The following NUCB2 variants were observed in gnomAD, a reference collection of about 807,000 sequenced individuals.
NUCB2 encodes the protein nucleobindin-2.
A neutral mutation model predicts 57.9 loss-of-function variants in NUCB2; 48 were observed. The ratio of observed to expected loss-of-function variants is 0.83; its 90% CI spans 0.66 to 1.05. The LOEUF (loss-of-function observed/expected upper bound fraction) is 1.05. Among genes scored for constraint, NUCB2 ranks in the 50% least tolerant of loss-of-function variants. The pLI, the probability that NUCB2 is intolerant of heterozygous loss-of-function variation, is 0.00. For synonymous variants in NUCB2, 139 were observed against 152.1 expected, an observed-to-expected ratio of 0.91 and a Z score of 0.64; for missense variants, 442 against 476.2, an observed-to-expected ratio of 0.93 and a Z score of 0.67.
Position 17,302,990 on chromosome 11 carries a change from G to A in NUCB2, c.379+1120G>A, listed in dbSNP as rs367864188. ...CCTGACCTCGTGATCCACCCGCCTC[G>A]GCCTCCCAAAGTGCTGGGATTACAG... On this transcript the variant is annotated intron_variant, in intron 5 of 13. Transcript: ENST00000529010. Among the ~76,000 whole-genome samples the A allele has an allele frequency of 1.3e-3, 196 of 152,022 alleles. No homozygotes were observed. The Middle Eastern group carries it at 0.024, about 18-fold the overall frequency.
intron 5 of NUCB2, among the ~76,000 whole-genome samples, chr11:17,309,158 TA>T (rs1000402767): frequency 6.7e-6 from 1 of 150,224 alleles, no homozygotes; most frequent in Non-Finnish European, 1.5e-5. Flanking sequence ...TACCAAAAAT[TA>T]AAAAAAAAGA....
chr11:17,308,598 C>G (rs1352255854), intron 5 of NUCB2, among the ~76,000 whole-genome samples: 2 of 152,138 alleles, frequency 1.3e-5, no homozygotes, highest in African/African-American at 2.4e-5. Flanking sequence ...TAGAAGGGCT[C>G]GTATTGCGTT....
intron 11 of NUCB2, among the ~76,000 whole-genome samples, chr11:17,327,485 G>C (rs1411423778): frequency 6.6e-6 from 1 of 152,034 alleles, no homozygotes; most frequent in Non-Finnish European, 1.5e-5. Context: ...AAATATTTTT[G>C]ATATTATTCC....
chr11:17,342,961 G>A (rs1336031142), intron 2 of NUCB2, among the ~76,000 whole-genome samples: 4 of 152,032 alleles, frequency 2.6e-5, no homozygotes, highest in Non-Finnish European at 5.9e-5. Flanking sequence ...TCTCTTTGTA[G>A]GTCTCTAAGG....
intron 11 of NUCB2, among the ~76,000 whole-genome samples, chr11:17,324,835 T>G (rs1487109360): frequency 1.3e-5 from 2 of 151,818 alleles, no homozygotes; most frequent in Non-Finnish European, 2.9e-5. Flanking sequence ...AGAGCCTCAC[T>G]CTGTTGCCCT....
At chr11:17,292,685 A>G (rs1051908435) in intron 2 of NUCB2, among the ~76,000 whole-genome samples, 1 of 152,196 alleles carries the variant, frequency 6.6e-6, no homozygotes, top group African/African-American at 2.4e-5. Context: ...TAGCTGTATG[A>G]CTGACTGCTG....
intron 2 of NUCB2, among the ~76,000 whole-genome samples, chr11:17,344,158 C>T (rs1952526025): frequency 6.6e-6 from 1 of 152,122 alleles, no homozygotes; most frequent in South Asian, 2.1e-4. Flanking sequence ...AAATACGTAG[C>T]AGTCAGATGC....
chr11:17,308,257 A>G (rs994198954), intron 5 of NUCB2, among the ~76,000 whole-genome samples: 1 of 152,142 alleles, frequency 6.6e-6, no homozygotes, highest in African/African-American at 2.4e-5. Context: ...AGGGGCAACT[A>G]TATTTTAGAT....
At chr11:17,303,056 C>T (rs964437478) in intron 5 of NUCB2, among the ~76,000 whole-genome samples, 4 of 151,872 alleles carry the variant, frequency 2.6e-5, no homozygotes, top group South Asian at 2.1e-4. Flanking sequence ...TTTTTAATTA[C>T]GTTTTTTAGA....
In NUCB2 at chr11:17,341,710, C is replaced by T. The variant is rs1030569546; in HGVS notation, n.2626+4176C>T. Among the ~76,000 whole-genome samples the T allele has an allele frequency of 2.6e-5, 4 of 152,022 alleles. 1 individual carries two copies. Among genetic ancestry groups the T allele is most frequent in the Non-Finnish European group, 2.9e-5 (2 of 67,992 alleles). On this transcript the variant is annotated intron_variant and non_coding_transcript_variant, in intron 2 of 2. Coordinates refer to the NUCB2 transcript ENST00000532240. ...AAGCTTTTTGATGTGCTGCTGGATT[C>T]AGTTTGCCAGTATTTTATTGAGGAT...
intron 4 of NUCB2, among the ~76,000 whole-genome samples, chr11:17,299,825 G>A (rs1056364393): frequency 2.0e-5 from 3 of 152,030 alleles, no homozygotes; most frequent in Non-Finnish European, 4.4e-5. Flanking sequence ...GACTGCTTGA[G>A]CCTGGGAGAT....
At chr11:17,298,201 G>A (rs1591335291) in intron 4 of NUCB2, among the ~76,000 whole-genome samples, 2 of 151,424 alleles carry the variant, frequency 1.3e-5, no homozygotes, top group South Asian at 4.2e-4. Flanking sequence ...GCAACATAGC[G>A]AGACCCTGTC....
At chr11:17,301,891 A>G (rs753130392) in intron 5 of NUCB2, 21 bp downstream of exon 5, 5 of 1,595,898 alleles carry the variant, frequency 3.1e-6, no homozygotes, top group Non-Finnish European at 3.4e-6. Flanking sequence ...AACAAAAGGT[A>G]GGATTTTTTT....
intron 2 of NUCB2, among the ~76,000 whole-genome samples, chr11:17,343,525 C>T (rs1343496212): frequency 6.6e-6 from 1 of 152,030 alleles, no homozygotes; most frequent in African/African-American, 2.4e-5. Context: ...TGTTTTGTAC[C>T]ATGTTGTTTG....
At chr11:17,342,132 A>G (rs896767081) in intron 2 of NUCB2, among the ~76,000 whole-genome samples, 1 of 152,154 alleles carries the variant, frequency 6.6e-6, no homozygotes, top group Non-Finnish European at 1.5e-5. Context: ...CTCTGATGGT[A>G]GTTTGTATTT....
chr11:17,301,458 T>G (rs569493325), intron 4 of NUCB2, among the ~76,000 whole-genome samples: 1 of 151,052 alleles, frequency 6.6e-6, no homozygotes, highest in Non-Finnish European at 1.5e-5. Flanking sequence ...TTTTGTATTT[T>G]TAGTAGAGAC....
chr11:17,349,024 C>A (rs796348658), intron 2 of NUCB2, among the ~76,000 whole-genome samples: 22 of 152,292 alleles, frequency 1.4e-4, no homozygotes, highest in African/African-American at 5.3e-4. Context: ...AGGTGATCCA[C>A]CCGCCTCGGC....
At chr11:17,293,487 G>A (rs1945289556) in intron 2 of NUCB2, among the ~76,000 whole-genome samples, 2 of 152,122 alleles carry the variant, frequency 1.3e-5, no homozygotes, top group African/African-American at 4.8e-5. Flanking sequence ...CAGTTTGGCA[G>A]TTCCTCAAAA....
chr11:17,324,862 C>T (rs190553712), intron 11 of NUCB2, among the ~76,000 whole-genome samples: 40 of 151,868 alleles, frequency 2.6e-4, no homozygotes, highest in African/African-American at 7.3e-4. Context: ...AGTGCAGTGG[C>T]GCGATCTTGG....
Sources: allele counts gnomAD v4.1 joint callset (sites outside exome capture counted in the v4.1 genomes callset), GRCh38; gene constraint gnomAD v4.1.1; transcripts MANE v1.5; gene names NCBI Gene and HGNC (gene_info 2026-07-23, HGNC 2026-07-21).